The following CCNJ variants were observed in gnomAD, a reference collection of about 807,000 sequenced individuals.
CCNJ encodes the protein cyclin-J.
CCNJ carries 12 observed loss-of-function variants against 41.4 expected under a neutral mutation model. The observed-to-expected ratio is 0.29, with a 90% confidence interval of 0.19 to 0.47. The LOEUF (loss-of-function observed/expected upper bound fraction) is 0.47, where lower values mean the gene tolerates loss of function less well. Among genes scored for constraint, CCNJ ranks in the 20% least tolerant of loss-of-function variants. The probability of loss-of-function intolerance (pLI) is 1.00; values close to 1 mark genes in which losing one functional copy is unlikely to be tolerated. For missense variants in CCNJ, 340 were observed against 464.6 expected (o/e 0.73, Z 2.47); for synonymous variants, 161 against 173.4 (o/e 0.93, Z 0.56).
intron 3 of CCNJ, among the ~76,000 whole-genome samples, chr10:96,056,181 C>T (rs1160999031): frequency 4.0e-5 from 6 of 151,882 alleles, no homozygotes; most frequent in African/African-American, 4.8e-5. Context: ...TGGTGGCGGG[C>T]GCCTGTAGTC....
At chr10:96,050,194 C>A in intron 2 of CCNJ, 62 bp from the exon 3 acceptor site, 2 of 1,065,108 alleles carry the variant, frequency 1.9e-6, no homozygotes, top group South Asian at 2.5e-5. Context: ...AATGTTAAGT[C>A]ATTGCCTTGT....
intron 2 of CCNJ, among the ~76,000 whole-genome samples, chr10:96,047,885 G>C (rs901379076): frequency 6.6e-6 from 1 of 152,074 alleles, no homozygotes; most frequent in African/African-American, 2.4e-5. Context: ...CCATCACCTA[G>C]GTATTAATCC....
At chr10:96,054,304 T>G (rs2080616595) in intron 3 of CCNJ, among the ~76,000 whole-genome samples, 1 of 152,170 alleles carries the variant, frequency 6.6e-6, no homozygotes, top group African/African-American at 2.4e-5. Flanking sequence ...TAAGTAAACT[T>G]AAAATGAACA....
At chr10:96,053,451 T>G (rs887319629) in intron 3 of CCNJ, among the ~76,000 whole-genome samples, 12 of 152,340 alleles carry the variant, frequency 7.9e-5, no homozygotes, top group African/African-American at 2.9e-4. Flanking sequence ...TCTGTTACCT[T>G]TAGCCTGCCT....
chr10:96,043,872 G>A (rs187579172), intron 1 of CCNJ, among the ~76,000 whole-genome samples, 153 bp downstream of exon 1: 1 of 152,294 alleles, frequency 6.6e-6, no homozygotes, highest in Non-Finnish European at 1.5e-5. Context: ...CGGGGCTCCC[G>A]GGGAGGAGCA....
Position 96,044,487 on chromosome 10 carries a change from T to G in CCNJ, c.69+25T>G. ...GGTAACTCCGAGGCCCGGCCTGCCT[T>G]CTCCTTCTGTGTGTCGCGCCAGTTG... On this transcript the variant is annotated intron_variant, in intron 2 of 5. Transcript: ENST00000465148. 1.4e-6 allele frequency: 2 copies of G among 1,469,988 alleles called. 1 individual carries two copies. Among genetic ancestry groups the G allele is most frequent in the Non-Finnish European group, 1.8e-6 (2 of 1,095,594 alleles). 91.1% of individuals were successfully genotyped at this position (1,469,988 alleles called of 1,614,324 possible).
chr10:96,055,968 A>C (rs541133286), intron 3 of CCNJ, among the ~76,000 whole-genome samples: 2 of 152,234 alleles, frequency 1.3e-5, no homozygotes, highest in Non-Finnish European at 2.9e-5. Context: ...TTGGAGCTTA[A>C]CTATTTTTTA....
At chr10:96,054,360 G>A (rs2080618600) in intron 3 of CCNJ, among the ~76,000 whole-genome samples, 1 of 152,098 alleles carries the variant, frequency 6.6e-6, no homozygotes, top group Non-Finnish European at 1.5e-5. Context: ...AGGAATGCAG[G>A]TACTCAATTG....
At chr10:96,056,265 C>A (rs544009038) in intron 3 of CCNJ, among the ~76,000 whole-genome samples, 1 of 151,542 alleles carries the variant, frequency 6.6e-6, no homozygotes, top group East Asian at 1.9e-4. Context: ...GCCGAGATCA[C>A]GCCACTGCAC....
chr10:96,043,822 T>TTC (rs1246639849), intron 1 of CCNJ, 103 bp downstream of exon 1: 16 of 382,618 alleles, frequency 4.2e-5, no homozygotes, highest in Non-Finnish European at 7.4e-5. Flanking sequence ...GGCCCGGCCT[T>TTC]TTGTTCCCCT....
At chr10:96,046,842 ATAGT>A (rs2080378441) in intron 2 of CCNJ, among the ~76,000 whole-genome samples, 1 of 152,154 alleles carries the variant, frequency 6.6e-6, no homozygotes, top group South Asian at 2.1e-4. Flanking sequence ...TTTGCTGTGT[ATAGT>A]TAGTGTCATA....
At position 96,043,682 on chromosome 10, in the gene CCNJ, C is replaced by G; in HGVS notation, c.-79C>G. 1 of 393,964 alleles carries G rather than the reference C, an allele frequency of 2.5e-6. No individual in the cohort carries two copies. The highest frequency in any genetic ancestry group is 3.6e-5 in the East Asian group (1 of 27,772). The allele number at this position is 393,964 out of a possible 1,614,324, so 24.4% of individuals were successfully genotyped here. On this transcript the variant is annotated 5_prime_UTR_variant, in exon 1 of 6. Coordinates refer to ENST00000465148, the MANE Select transcript of CCNJ (RefSeq NM_001134375.2). ...ATGAGCGGGGCCGGCGTCCGCCGCA[C>G]GACGGCGGGGCTGGGGCTGTGAGGG...
At position 96,059,942 on chromosome 10, in the gene CCNJ, A is replaced by C. The variant is rs186683041; in HGVS notation, c.*1701A>C. 1 of 152,780 alleles carries C rather than the reference A, an allele frequency of 6.5e-6. No individual in the cohort carries two copies. The highest frequency in any genetic ancestry group is 1.5e-5 in the Non-Finnish European group (1 of 68,030). 9.5% of individuals were successfully genotyped at this position (152,780 alleles called of 1,614,324 possible). On this transcript the variant is annotated 3_prime_UTR_variant, in exon 6 of 6. Transcript: ENST00000465148. ...AAAATAACTTTTATATTTAGAGTACATAGGGCATGATGTGGATTTATTAGT... is the reference window on the plus strand; with the variant it reads ...AAAATAACTTTTATATTTAGAGTACCTAGGGCATGATGTGGATTTATTAGT...
chr10:96,048,485 G>A (rs2080425681), intron 2 of CCNJ, among the ~76,000 whole-genome samples: 1 of 152,022 alleles, frequency 6.6e-6, no homozygotes, highest in Non-Finnish European at 1.5e-5. Flanking sequence ...ATTTTTAACT[G>A]TACAGTTCAG....
At chr10:96,053,683 GAA>G (rs746584763) in intron 3 of CCNJ, among the ~76,000 whole-genome samples, 1 of 152,190 alleles carries the variant, frequency 6.6e-6, no homozygotes, top group Non-Finnish European at 1.5e-5. Context: ...AAGACAAAGT[GAA>G]AAGTGAGACA....
chr10:96,050,138 GA>G (rs1157917319), intron 2 of CCNJ, 117 bp from the exon 3 acceptor site: 2 of 737,382 alleles, frequency 2.7e-6, no homozygotes, highest in Non-Finnish European at 4.6e-6. Flanking sequence ...TTCCAGTCAA[GA>G]AAAGTATGTT....
intron 3 of CCNJ, 90 bp downstream of exon 3, chr10:96,050,556 A>C (rs1229476986): frequency 2.2e-6 from 2 of 923,340 alleles, no homozygotes; most frequent in Non-Finnish European, 3.4e-6. Flanking sequence ...ATATCATCAA[A>C]TCCCATTCAT....
chr10:96,052,272 C>T (rs1021781130), intron 3 of CCNJ, among the ~76,000 whole-genome samples: 1 of 152,168 alleles, frequency 6.6e-6, no homozygotes, highest in African/African-American at 2.4e-5. Flanking sequence ...AAAGCTCACA[C>T]GTGACAGTTT....
chr10:96,058,354 T>C lies in CCNJ; in HGVS notation c.*113T>C. On this transcript the variant is annotated 3_prime_UTR_variant, in exon 6 of 6. Transcript: ENST00000465148. Reference sequence around the variant, plus strand: ...GGGATCTAAATGACATCAGAACTCTTCAGGTACCAGCACCAGGAAGACTGA... The same window carrying C: ...GGGATCTAAATGACATCAGAACTCTCCAGGTACCAGCACCAGGAAGACTGA... 1.2e-6 allele frequency: 1 copy of C among 825,548 alleles called. No individual in the cohort carries two copies. Among genetic ancestry groups the C allele is most frequent in the Non-Finnish European group, 1.9e-6 (1 of 520,686 alleles). 51.1% of individuals were successfully genotyped at this position (825,548 alleles called of 1,614,324 possible). A position where few individuals can be genotyped will look rare whatever the true frequency, so the allele number is the denominator to read the frequency against.
Sources: allele counts gnomAD v4.1 joint callset (sites outside exome capture counted in the v4.1 genomes callset), GRCh38; gene constraint gnomAD v4.1.1; transcripts MANE v1.5; gene names NCBI Gene and HGNC (gene_info 2026-07-23, HGNC 2026-07-21).